Variants in RYR3 observed in about 807,000 individuals in gnomAD.
RYR3 encodes the protein ryanodine receptor 3.
Under a neutral mutation model 584.3 loss-of-function variants are expected in RYR3, and 207 were observed. The ratio of observed to expected loss-of-function variants is 0.35; its 90% CI spans 0.32 to 0.40. The LOEUF (loss-of-function observed/expected upper bound fraction) is 0.40. Among genes scored for constraint, RYR3 ranks in the 10% least tolerant of loss-of-function variants. RYR3 has a pLI of 1.00. For synonymous variants in RYR3, 2,416 were observed against 2,248.5 expected (o/e 1.07, Z -2.11); for missense variants, 5,616 against 6,089.2 (o/e 0.92, Z 2.59).
intron 81 of RYR3, among the ~76,000 whole-genome samples, chr15:33,824,164 T>TGG (rs2077256273): frequency 6.6e-6 from 1 of 152,208 alleles, no homozygotes. Flanking sequence ...ATATTGCTCA[T>TGG]AAAGTTATCC....
chr15:33,785,878 C>T lies in RYR3; in HGVS notation c.9485C>T (p.Thr3162Ile). 1 of 1,613,922 alleles carries T rather than the reference C, an allele frequency of 6.2e-7. No individual in the cohort carries two copies. Among genetic ancestry groups the T allele is most frequent in the Non-Finnish European group, 8.5e-7 (1 of 1,179,876 alleles). The part of the protein sequence containing the change: ...NLPPSTGPCC[T>I]KVTSEHLSLI... ...CCCCCCAGCACAGGGCCATGCTGCA[C>T]CAAGGTCACCTCTGAACACCTCAGT... is the stretch of plus-strand genomic sequence containing the variant. The change falls in exon 66 of 104, where the codon ACC (threonine) becomes ATC (isoleucine). Residue 3162 changes from threonine to isoleucine, a missense_variant. Thr to Ile is a moderately conservative substitution (Grantham distance 89). Coordinates refer to ENST00000634891, the MANE Select transcript of RYR3 (RefSeq NM_001036.6).
chr15:33,634,849 A>G, intron 25 of RYR3, 116 bp downstream of exon 25: 1 of 829,666 alleles, frequency 1.2e-6, no homozygotes, highest in Non-Finnish European at 2.0e-6. Flanking sequence ...TTGGGGCTGA[A>G]GAGCACTAGA....
At chr15:33,711,877 C>A (rs1456645646) in intron 43 of RYR3, among the ~76,000 whole-genome samples, 3 of 152,188 alleles carry the variant, frequency 2.0e-5, no homozygotes, top group Non-Finnish European at 4.4e-5. Context: ...AAGCTGCTTC[C>A]ACATTTTCAG....
chr15:33,469,894 C>T (rs1430655710), intron 1 of RYR3, among the ~76,000 whole-genome samples: 2 of 152,026 alleles, frequency 1.3e-5, no homozygotes, highest in Admixed American at 6.6e-5. Flanking sequence ...AACAGAAAGG[C>T]GGGAGCACTA....
chr15:33,787,367 A>G (rs2074796226), intron 66 of RYR3, among the ~76,000 whole-genome samples: 1 of 152,214 alleles, frequency 6.6e-6, no homozygotes, highest in Non-Finnish European at 1.5e-5. Context: ...AAAGTAAAAT[A>G]TAAAGTGATA....
At chr15:33,636,317 C>A in intron 26 of RYR3, 59 bp from the exon 27 acceptor site, 1 of 1,440,338 alleles carries the variant, frequency 6.9e-7, no homozygotes, top group South Asian at 1.2e-5. Context: ...GGTCATTTCT[C>A]CAGCTGCTGG....
At chr15:33,599,055 C>CA (rs35209074) in intron 16 of RYR3, among the ~76,000 whole-genome samples, 74,697 of 148,784 alleles carry the variant, frequency 0.5, 19,231 homozygotes, top group East Asian at 0.79. Flanking sequence ...ACTCCGTCTC[C>CA]AAAAAAAAAA....
intron 1 of RYR3, among the ~76,000 whole-genome samples, chr15:33,356,562 A>T (rs1974002200): frequency 6.6e-6 from 1 of 152,218 alleles, no homozygotes; most frequent in South Asian, 2.1e-4. Flanking sequence ...CAAAATAAAC[A>T]AAATTATGTA....
rs569011995 is a variant in RYR3, at chr15:33,712,052, T to C, written c.6619+4998T>C. ...CAGGAAGCATGGTGCTAGCATCTGC[T>C]TGGCTTCTGGTGAAGCCTCTGGGAG... On this transcript the variant is annotated intron_variant, in intron 43 of 103. Transcript: ENST00000634891. 4.1e-4 allele frequency among the ~76,000 whole-genome samples: 62 copies of C among 152,348 alleles called. No homozygotes were observed. In the South Asian group the frequency reaches 0.012, roughly 31 times the overall value.
intron 2 of RYR3, among the ~76,000 whole-genome samples, chr15:33,484,296 G>A (rs952606829): frequency 2.0e-5 from 3 of 147,606 alleles, no homozygotes; most frequent in South Asian, 2.2e-4. Context: ...GAGAAGAAAA[G>A]GGCCCTAGAA....
intron 1 of RYR3, among the ~76,000 whole-genome samples, chr15:33,404,400 G>T (rs559565631): frequency 6.6e-6 from 1 of 152,308 alleles, no homozygotes; most frequent in African/African-American, 2.4e-5. Flanking sequence ...ACACAGACTG[G>T]GGTGGCTGTG....
Position 33,398,426 on chromosome 15 carries a change from G to A in RYR3, c.52-74993G>A, listed in dbSNP as rs139429482. On this transcript the variant is annotated intron_variant, in intron 1 of 103. Transcript: ENST00000634891. ...TGAGTGGGGAAAGTGAATGGTGTTC[G>A]GCAACTTCACAGTCAGAAATAGGAG... Among the ~76,000 whole-genome samples, 52 of 152,236 alleles carry A rather than the reference G, an allele frequency of 3.4e-4. 1 individual carries two copies. The highest frequency in any genetic ancestry group is 9.4e-4 in the African/African-American group (39 of 41,548).
intron 34 of RYR3, among the ~76,000 whole-genome samples, chr15:33,661,280 T>A (rs1364070553): frequency 6.6e-6 from 1 of 152,144 alleles, no homozygotes; most frequent in African/African-American, 2.4e-5. Context: ...GGGAGCAACA[T>A]ACAAACAGAC....
chr15:33,398,314 A>G (rs981502475), intron 1 of RYR3, among the ~76,000 whole-genome samples: 2 of 152,226 alleles, frequency 1.3e-5, no homozygotes, highest in Non-Finnish European at 2.9e-5. Flanking sequence ...TGTGGGTATC[A>G]GGCGCACCAT....
At chr15:33,441,611 CTCTT>C (rs2046239841) in intron 1 of RYR3, among the ~76,000 whole-genome samples, 1 of 152,174 alleles carries the variant, frequency 6.6e-6, no homozygotes, top group Admixed American at 6.5e-5. Context: ...CTTAAACACA[CTCTT>C]TCAGGTGCTT....
intron 85 of RYR3, among the ~76,000 whole-genome samples, chr15:33,828,518 T>A (rs1369914326): frequency 6.6e-6 from 1 of 152,198 alleles, no homozygotes; most frequent in African/African-American, 2.4e-5. Flanking sequence ...AGTGAGCATA[T>A]GAATGATAAG....
intron 1 of RYR3, among the ~76,000 whole-genome samples, chr15:33,366,858 G>A (rs1975573421): frequency 6.6e-6 from 1 of 152,084 alleles, no homozygotes; most frequent in Admixed American, 6.5e-5. Flanking sequence ...AAATTAGAGG[G>A]ATGAATTTGA....
chr15:33,600,398 C>T (rs2059600286), intron 16 of RYR3, among the ~76,000 whole-genome samples: 1 of 152,038 alleles, frequency 6.6e-6, no homozygotes, highest in South Asian at 2.1e-4. Context: ...CTGCTGTTTG[C>T]GCATTCCTCT....
At chr15:33,347,477 T>C (rs1247144452) in intron 1 of RYR3, among the ~76,000 whole-genome samples, 2 of 151,718 alleles carry the variant, frequency 1.3e-5, no homozygotes, top group South Asian at 2.1e-4. Context: ...GACGGAGTCT[T>C]GCTCTGTCGC....
Sources: allele counts gnomAD v4.1 joint callset (sites outside exome capture counted in the v4.1 genomes callset), GRCh38; gene constraint gnomAD v4.1.1; transcripts MANE v1.5; gene names NCBI Gene and HGNC (gene_info 2026-07-23, HGNC 2026-07-21).